Variants in COLEC10 observed in about 807,000 individuals in gnomAD.
The protein encoded by COLEC10 is collectin-10.
A neutral mutation model predicts 28.4 loss-of-function variants in COLEC10; 22 were observed. The observed-to-expected ratio is 0.78, with a 90% CI of 0.55 to 1.11. COLEC10 has a LOEUF of 1.11. COLEC10 is among the 50% of genes least tolerant of loss of function. The pLI, the probability that COLEC10 is intolerant of heterozygous loss-of-function variation, is 0.00. For missense variants in COLEC10, 361 were observed against 344.1 expected (o/e 1.05, Z -0.39); for synonymous variants, 125 against 116.1 (o/e 1.08, Z -0.49).
At chr8:118,989,568 C>CATACACAA in the COLEC10 span, among the ~76,000 whole-genome samples, 7 of 140,784 alleles carry the variant, frequency 5.0e-5, no homozygotes, top group African/African-American at 1.9e-4. Flanking sequence ...CACACACACA[C>CATACACAA]ACACACACAC....
the COLEC10 span, among the ~76,000 whole-genome samples, chr8:118,965,426 C>T: frequency 2.0e-5 from 3 of 152,094 alleles, no homozygotes; most frequent in Non-Finnish European, 4.4e-5. Flanking sequence ...GGCAACTTTT[C>T]TCAAAATTAT....
intron 1 of COLEC10, among the ~76,000 whole-genome samples, chr8:119,072,322 T>C (rs1006056573): frequency 3.3e-5 from 5 of 151,720 alleles, no homozygotes; most frequent in Admixed American, 2.0e-4. Flanking sequence ...GTAGCTGCCA[T>C]TCACCCAGCA....
chr8:119,005,927 T>C (rs529083438), intron 1 of COLEC10, among the ~76,000 whole-genome samples: 1 of 152,198 alleles, frequency 6.6e-6, no homozygotes, highest in Non-Finnish European at 1.5e-5. Flanking sequence ...TTCCTATTCA[T>C]ATAACAGCTC....
chr8:118,956,471 T>A, the COLEC10 span, among the ~76,000 whole-genome samples: 1 of 152,128 alleles, frequency 6.6e-6, no homozygotes, highest in Non-Finnish European at 1.5e-5. Flanking sequence ...AAAAATGACC[T>A]CAGCAGTCCA....
At chr8:119,093,011 G>C (rs1404999637) in intron 3 of COLEC10, among the ~76,000 whole-genome samples, 1 of 152,192 alleles carries the variant, frequency 6.6e-6, no homozygotes, top group Non-Finnish European at 1.5e-5. Flanking sequence ...CCTAGGTCTT[G>C]AAGAATAGTA....
At chr8:119,003,253 T>C (rs1340123799) in intron 1 of COLEC10, among the ~76,000 whole-genome samples, 1 of 152,136 alleles carries the variant, frequency 6.6e-6, no homozygotes, top group African/African-American at 2.4e-5. Context: ...ATAAGAAAGC[T>C]GTATTTCAAT....
the COLEC10 span, among the ~76,000 whole-genome samples, chr8:118,976,127 A>C: frequency 2.6e-5 from 4 of 152,108 alleles, no homozygotes; most frequent in African/African-American, 9.7e-5. Context: ...GCTGACAGCC[A>C]GGTAGTATCC....
At chr8:119,024,428 A>C (rs1814151958) in intron 2 of COLEC10, among the ~76,000 whole-genome samples, 2 of 152,140 alleles carry the variant, frequency 1.3e-5, no homozygotes, top group South Asian at 4.1e-4. Context: ...TAAGTTATGT[A>C]TATGACCTCA....
chr8:119,005,164 C>G (rs1040460686), intron 1 of COLEC10, among the ~76,000 whole-genome samples: 3 of 152,114 alleles, frequency 2.0e-5, no homozygotes, highest in African/African-American at 4.8e-5. Context: ...ATCACCACCT[C>G]TGTGCTGTGT....
intron 2 of COLEC10, 113 bp from the exon 3 acceptor site, chr8:119,091,036 T>C: frequency 1.3e-6 from 1 of 787,018 alleles, no homozygotes; most frequent in Non-Finnish European, 2.2e-6. Context: ...ATATTAGATA[T>C]CACTGGTAGA....
At chr8:119,059,309 G>GT (rs1814814879) in intron 2 of COLEC10, among the ~76,000 whole-genome samples, 1 of 151,304 alleles carries the variant, frequency 6.6e-6, no homozygotes, top group African/African-American at 2.4e-5. Flanking sequence ...CTTCTCTTAT[G>GT]TTTTTTTCAA....
chr8:118,973,268 C>T, the COLEC10 span, among the ~76,000 whole-genome samples: 3 of 151,958 alleles, frequency 2.0e-5, no homozygotes, highest in East Asian at 5.8e-4. Flanking sequence ...AAACAGCATA[C>T]ATTTATCATC....
the COLEC10 span, among the ~76,000 whole-genome samples, chr8:118,957,552 T>A: frequency 3.9e-5 from 6 of 152,172 alleles, no homozygotes; most frequent in East Asian, 1.9e-4. Flanking sequence ...GGCCAGTCCA[T>A]GCAGTGTCTA....
the COLEC10 span, among the ~76,000 whole-genome samples, chr8:118,962,220 G>GT: frequency 2.0e-5 from 3 of 152,308 alleles, no homozygotes; most frequent in Non-Finnish European, 4.4e-5. Flanking sequence ...GTATGATGAG[G>GT]AAAGTCCAAG....
chr8:119,102,230 CCCTCCCTCCCT>C, intron 3 of COLEC10, 107 bp from the exon 4 acceptor site: 4 of 298,586 alleles, frequency 1.3e-5, no homozygotes, highest in Non-Finnish European at 1.9e-5. Flanking sequence ...CTCCCTCCCT[CCCTCCCTCCCT>C]CCTTCCTTCT....
chr8:119,057,446 T>C (rs1814784600), intron 2 of COLEC10, among the ~76,000 whole-genome samples: 1 of 152,070 alleles, frequency 6.6e-6, no homozygotes, highest in South Asian at 2.1e-4. Context: ...AAAGAAACAT[T>C]TCCTGATCCA....
the COLEC10 span, among the ~76,000 whole-genome samples, chr8:118,962,503 C>A: frequency 6.6e-6 from 1 of 152,096 alleles, no homozygotes; most frequent in Admixed American, 6.5e-5. Flanking sequence ...AATTTGATGA[C>A]TTTGGACATA....
intron 2 of COLEC10, among the ~76,000 whole-genome samples, chr8:119,016,803 G>A (rs1027339832): frequency 7.9e-5 from 12 of 152,090 alleles, no homozygotes; most frequent in African/African-American, 2.2e-4. Flanking sequence ...TGCAACTGCC[G>A]CCTCCTGGGT....
intron 5 of COLEC10, among the ~76,000 whole-genome samples, chr8:119,105,333 G>T (rs950673354): frequency 1.3e-5 from 2 of 152,116 alleles, no homozygotes; most frequent in Non-Finnish European, 2.9e-5. Flanking sequence ...CTATCCAAGG[G>T]CATTGGAAAG....
Sources: gnomAD v4.1 joint callset for allele counts (sites outside exome capture counted in the v4.1 genomes callset) on GRCh38, gnomAD v4.1.1 for gene constraint, MANE v1.5 for transcripts, NCBI Gene and HGNC (gene_info 2026-07-23, HGNC 2026-07-21) for gene names.